Variants in OMA1 observed in about 807,000 individuals in gnomAD.
The protein encoded by OMA1 is metalloendopeptidase OMA1, mitochondrial.
In OMA1, 38 loss-of-function variants were observed where a neutral mutation model predicts 30.9. The observed-to-expected ratio is 1.23, with a 90% CI of 0.95 to 1.61. The LOEUF is 1.61. Ranked by LOEUF, OMA1 falls within the 40% of genes most tolerant of loss-of-function variation. OMA1 has a pLI of 0.00. For synonymous variants in OMA1, 173 were observed against 121.9 expected, an observed-to-expected ratio of 1.42 and a Z score of -2.76; for missense variants, 461 against 349.2, an observed-to-expected ratio of 1.32 and a Z score of -2.55.
At chr1:58,489,094 T>G (rs963608081) in intron 8 of OMA1, among the ~76,000 whole-genome samples, 4 of 152,074 alleles carry the variant, frequency 2.6e-5, no homozygotes, top group African/African-American at 9.7e-5. Flanking sequence ...GGCCAGTGGG[T>G]GCAGGACAGT....
At chr1:58,518,302 A>G (rs865822127) in intron 7 of OMA1, among the ~76,000 whole-genome samples, 20 of 73,806 alleles carry the variant, frequency 2.7e-4, no homozygotes, top group Non-Finnish European at 4.3e-4. Flanking sequence ...AGAGAAGAGA[A>G]GAGAAGAGAA....
intron 7 of OMA1, among the ~76,000 whole-genome samples, chr1:58,507,523 T>A (rs914234420): frequency 1.3e-5 from 2 of 151,972 alleles, no homozygotes; most frequent in African/African-American, 4.8e-5. Flanking sequence ...CTCTGAGTAT[T>A]CTAAGTTGAA....
At chr1:58,506,441 GC>G (rs1645992117) in intron 7 of OMA1, among the ~76,000 whole-genome samples, 1 of 152,054 alleles carries the variant, frequency 6.6e-6, no homozygotes, top group African/African-American at 2.4e-5. Context: ...GTCACTACAT[GC>G]TTTAAAGTCA....
intron 1 of OMA1, among the ~76,000 whole-genome samples, chr1:58,546,249 A>T (rs1646702198): frequency 6.6e-6 from 1 of 152,210 alleles, no homozygotes; most frequent in Non-Finnish European, 1.5e-5. Context: ...GGTGAAAGAG[A>T]CGAATGCCCG....
intron 7 of OMA1, among the ~76,000 whole-genome samples, chr1:58,517,977 G>A (rs1252378821): frequency 6.6e-6 from 1 of 151,230 alleles, no homozygotes; most frequent in Non-Finnish European, 1.5e-5. Flanking sequence ...ACCTGAGGTT[G>A]GGAGTTCGAG....
intron 7 of OMA1, 144 bp from the exon 8 acceptor site, chr1:58,506,353 C>T (rs930400778): frequency 3.7e-6 from 2 of 543,690 alleles, no homozygotes; most frequent in Non-Finnish European, 3.2e-6. Flanking sequence ...TTGTTACATA[C>T]GTATACATGT....
At chr1:58,529,423 T>C (rs950216025) in intron 6 of OMA1, among the ~76,000 whole-genome samples, 7 of 152,254 alleles carry the variant, frequency 4.6e-5, no homozygotes, top group Non-Finnish European at 8.8e-5. Context: ...AGACCTACTT[T>C]CAGTATTACA....
intron 8 of OMA1, among the ~76,000 whole-genome samples, chr1:58,489,169 G>A (rs925606835): frequency 3.3e-5 from 5 of 152,196 alleles, no homozygotes; most frequent in African/African-American, 1.2e-4. Context: ...GAAGTGCAAC[G>A]GGTCAGGGAA....
chr1:58,485,228 T>TAAAAAAAAAAAAAAAAA lies in OMA1; in HGVS notation c.1366-4071_1366-4055dup, dbSNP rs71043289. ...GTCTAAAAATAAAAGAGTCTACTAC[T>TAAAAAAAAAAAAAAAAA]AAAAAAAAAAAAAAAAAAAAAAAAA... On this transcript the variant is annotated intron_variant, in intron 8 of 8. Coordinates refer to ENST00000371226, the MANE Select transcript of OMA1 (RefSeq NM_145243.5). 1.7e-4 allele frequency among the ~76,000 whole-genome samples: 7 copies of TAAAAAAAAAAAAAAAAA among 42,054 alleles called. 1 individual carries two copies. The highest frequency in any genetic ancestry group is 2.1e-4 in the Non-Finnish European group (5 of 24,140). The allele number at this position is 42,054 out of a possible 152,430, so 27.6% of individuals were successfully genotyped here. A position where few individuals can be genotyped will look rare whatever the true frequency, so the allele number is the denominator to read the frequency against.
intron 7 of OMA1, among the ~76,000 whole-genome samples, chr1:58,516,046 C>T (rs1230885086): frequency 6.6e-6 from 1 of 152,198 alleles, no homozygotes; most frequent in Non-Finnish European, 1.5e-5. Flanking sequence ...TAGCAGGCCA[C>T]GTTTCCCAAA....
chr1:58,492,441 C>T (rs547366291), intron 8 of OMA1, among the ~76,000 whole-genome samples: 46 of 152,124 alleles, frequency 3.0e-4, no homozygotes, highest in African/African-American at 1.0e-3. Flanking sequence ...GAAATAGAGA[C>T]ACAAAAAACC....
At chr1:58,487,328 C>T (rs574574106) in intron 8 of OMA1, among the ~76,000 whole-genome samples, 55 of 152,300 alleles carry the variant, frequency 3.6e-4, no homozygotes, top group African/African-American at 1.3e-3. Flanking sequence ...TTTTATGATG[C>T]TGCTCATGCA....
intron 8 of OMA1, among the ~76,000 whole-genome samples, chr1:58,493,805 G>A (rs1383811079): frequency 1.2e-4 from 18 of 151,048 alleles, no homozygotes; most frequent in African/African-American, 3.4e-4. Flanking sequence ...ATGCTCATGG[G>A]TAGGAAGAAT....
chr1:58,482,045 T>A (rs1645495134), intron 8 of OMA1, among the ~76,000 whole-genome samples: 1 of 152,152 alleles, frequency 6.6e-6, no homozygotes, highest in South Asian at 2.1e-4. Context: ...AATAAAACAT[T>A]GCAAAGGAAG....
chr1:58,540,620 ACAG>A (rs1412774232), intron 1 of OMA1, among the ~76,000 whole-genome samples: 2 of 150,384 alleles, frequency 1.3e-5, no homozygotes, highest in Admixed American at 6.7e-5. Context: ...GATGAGACTA[ACAG>A]CAGATTAACA....
intron 8 of OMA1, among the ~76,000 whole-genome samples, chr1:58,486,921 T>A (rs1645585311): frequency 6.6e-6 from 1 of 152,184 alleles, no homozygotes; most frequent in African/African-American, 2.4e-5. Context: ...GTGGTGAAGT[T>A]GGAGAGCTAG....
At chr1:58,492,177 C>G (rs566901824) in intron 8 of OMA1, among the ~76,000 whole-genome samples, 88 of 152,124 alleles carry the variant, frequency 5.8e-4, no homozygotes, top group African/African-American at 1.9e-3. Flanking sequence ...GGGTACATAA[C>G]GAAATGAAGG....
At chr1:58,538,044 A>G (rs983867030) in intron 2 of OMA1, among the ~76,000 whole-genome samples, 8 of 152,232 alleles carry the variant, frequency 5.3e-5, no homozygotes, top group Non-Finnish European at 7.3e-5. Context: ...GAAAAACACA[A>G]TAAGTTACAA....
intron 8 of OMA1, among the ~76,000 whole-genome samples, chr1:58,490,795 C>CT (rs148145860): frequency 0.29 from 17,187 of 59,210 alleles, 5,513 homozygotes; most frequent in East Asian, 0.39. Flanking sequence ...AGTCAACATT[C>CT]TTTTTTTTTT....
Sources: allele counts gnomAD v4.1 joint callset (sites outside exome capture counted in the v4.1 genomes callset), GRCh38; gene constraint gnomAD v4.1.1; transcripts MANE v1.5; gene names NCBI Gene and HGNC (gene_info 2026-07-23, HGNC 2026-07-21).